Variants in NDC80 observed in about 807,000 individuals in gnomAD.
NDC80 encodes kinetochore protein NDC80 homolog.
Under a neutral mutation model 89.3 loss-of-function variants are expected in NDC80, and 69 were observed. The observed-to-expected ratio is 0.77, with a 90% confidence interval of 0.64 to 0.94. The LOEUF (loss-of-function observed/expected upper bound fraction) is 0.94. Among genes scored for constraint, NDC80 ranks in the 40% least tolerant of loss-of-function variants. The probability of loss-of-function intolerance (pLI) is 0.00; values close to 1 mark genes in which losing one functional copy is unlikely to be tolerated. For synonymous variants in NDC80, 243 were observed against 255.6 expected (o/e 0.95, Z 0.47); for missense variants, 593 against 739.6 (o/e 0.80, Z 2.30).
chr18:2,608,720 A>G lies in NDC80; in HGVS notation c.1578A>G (p.Glu526=). 6.2e-7 allele frequency: 1 copy of G among 1,612,658 alleles called. No homozygotes were observed. ...QKIKEAEEED[E]KCASELESLE... is the part of the protein sequence containing the mutation. The stretch of plus-strand genomic sequence containing the variant: ...GATAGGAAGCAGAGGAAGAGGATGA[A>G]AAATGTGCCAGTGAGCTTGAGTCCT... The change falls in exon 15 of 17, where the codon GAA becomes GAG. Residue 526 remains glutamate (E), a synonymous_variant. Transcript: ENST00000261597.
chr18:2,594,375 TTC>T (rs1354498048), intron 10 of NDC80: 1 of 155,096 alleles, frequency 6.4e-6, no homozygotes, highest in African/African-American at 2.4e-5. Context: ...TCACTTGTAC[TTC>T]TCTTAAAAGT....
chr18:2,614,569 G>GGAAGGA (rs1568016148), intron 16 of NDC80: 1 of 6,074 alleles, frequency 1.6e-4, no homozygotes, highest in Non-Finnish European at 2.8e-4. Flanking sequence ...GGAAGGGAAA[G>GGAAGGA]AAAGAAAGAA....
At chr18:2,614,567 A>AGGAAGGAAGGAAG (rs1450278706) in intron 16 of NDC80, 3 of 2,712 alleles carry the variant, frequency 1.1e-3, no homozygotes. Flanking sequence ...AAGGAAGGGA[A>AGGAAGGAAGGAAG]AGAAAGAAAG....
At chr18:2,611,495 A>G (rs2143671477) in intron 16 of NDC80, among the ~76,000 whole-genome samples, 1 of 152,338 alleles carries the variant, frequency 6.6e-6, no homozygotes, top group South Asian at 2.1e-4. Context: ...CTTATCGTAC[A>G]TTTAGGATTT....
intron 6 of NDC80, chr18:2,582,031 TG>T (rs549145811): frequency 7.5e-4 from 112 of 148,406 alleles, no homozygotes; most frequent in African/African-American, 2.6e-3. Flanking sequence ...ATTTTGTTTT[TG>T]TTTTTTCGTT....
At chr18:2,579,225 ATTAT>A in intron 6 of NDC80, 196 bp downstream of exon 6, 1 of 386,146 alleles carries the variant, frequency 2.6e-6, no homozygotes, top group Non-Finnish European at 4.6e-6. Context: ...TGATAAGGAG[ATTAT>A]TTATTATCAT....
At chr18:2,578,367 T>C (rs557185371) in intron 5 of NDC80, among the ~76,000 whole-genome samples, 18 of 152,180 alleles carry the variant, frequency 1.2e-4, no homozygotes, top group Non-Finnish European at 2.6e-4. Context: ...TGTTAGTAAC[T>C]GATCAAGTTT....
intron 16 of NDC80, 56 bp from the exon 17 acceptor site, chr18:2,616,381 C>T (rs1190848210): frequency 8.3e-7 from 1 of 1,211,348 alleles, no homozygotes; most frequent in Non-Finnish European, 1.1e-6. Flanking sequence ...TACAATTAAA[C>T]ATTTTAAAAG....
intron 11 of NDC80, 61 bp from the exon 12 acceptor site, chr18:2,598,958 A>C: frequency 7.0e-7 from 1 of 1,420,434 alleles, no homozygotes. Context: ...AGAAATGTCA[A>C]TTGAAAAAAA....
chr18:2,590,653 G>A (rs2072623138), intron 10 of NDC80, among the ~76,000 whole-genome samples: 1 of 152,172 alleles, frequency 6.6e-6, no homozygotes, highest in African/African-American at 2.4e-5. Context: ...TTCATCTCAA[G>A]ATACTTAATC....
intron 13 of NDC80, among the ~76,000 whole-genome samples, chr18:2,605,339 A>G (rs1203672648): frequency 2.8e-5 from 4 of 143,708 alleles, no homozygotes; most frequent in Non-Finnish European, 6.1e-5. Flanking sequence ...TATGTACACA[A>G]TGGAAATGTG....
intron 16 of NDC80, among the ~76,000 whole-genome samples, chr18:2,611,758 T>C (rs1347327556): frequency 6.6e-6 from 1 of 152,128 alleles, no homozygotes. Flanking sequence ...CAGTTGAGTA[T>C]GGTTTAAGAA....
Position 2,610,854 on chromosome 18 carries a change from C to A in NDC80, c.1784C>A (p.Ser595Tyr). 1.3e-6 allele frequency: 2 copies of A among 1,542,386 alleles called. No individual in the cohort carries two copies. The highest frequency in any genetic ancestry group is 2.5e-5 in the South Asian group (2 of 81,576). ...GAGATGGTTGCTACACATGTTGGGTCTGTAGAGGTAAGTATGTGATGGTCT... is the reference window on the plus strand; with the variant it reads ...GAGATGGTTGCTACACATGTTGGGTATGTAGAGGTAAGTATGTGATGGTCT... ...LLEMVATHVGSVEKHLEEQIA... is the reference protein window; with the variant it reads ...LLEMVATHVGYVEKHLEEQIA... Residue 595 changes from serine to tyrosine, a missense_variant, in exon 16 of 17, where the codon TCT (serine) becomes TAT (tyrosine). Transcript: ENST00000261597.
intron 13 of NDC80, among the ~76,000 whole-genome samples, chr18:2,606,135 CA>C (rs2072710283): frequency 6.6e-6 from 1 of 150,684 alleles, no homozygotes; most frequent in African/African-American, 2.4e-5. Flanking sequence ...ATTGATATAA[CA>C]ATATTAATAA....
intron 16 of NDC80, chr18:2,614,444 AAAGAAAGAAAG>A (rs2072761974): frequency 2.0e-4 from 1 of 4,960 alleles, no homozygotes; most frequent in African/African-American, 1.5e-3. Context: ...TCAAAAAAAG[AAAGAAAGAAAG>A]AAAGAAAGAA....
chr18:2,589,978 T>C, intron 9 of NDC80, 40 bp from the exon 10 acceptor site: 2 of 1,327,712 alleles, frequency 1.5e-6, no homozygotes, highest in Non-Finnish European at 2.0e-6. Flanking sequence ...TATGGAATGG[T>C]TATTAAGAAT....
intron 3 of NDC80, 64 bp from the exon 4 acceptor site, chr18:2,577,679 TGAA>T (rs2072554142): frequency 1.3e-6 from 2 of 1,568,674 alleles, no homozygotes; most frequent in Admixed American, 3.7e-5. Context: ...AAAACTGCCT[TGAA>T]ATAATTTAGA....
intron 16 of NDC80, chr18:2,614,553 A>G (rs2072766514): frequency 2.5e-4 from 1 of 4,070 alleles, no homozygotes; most frequent in Non-Finnish European, 4.2e-4. Context: ...GGAAGGAAGG[A>G]AGGAAGGAAG....
intron 6 of NDC80, chr18:2,582,969 G>A (rs1167773889): frequency 6.6e-6 from 1 of 152,192 alleles, no homozygotes; most frequent in East Asian, 1.9e-4. Context: ...TAGGAGGGTT[G>A]CATACACTTC....
Sources: allele counts gnomAD v4.1 joint callset (sites outside exome capture counted in the v4.1 genomes callset), GRCh38; gene constraint gnomAD v4.1.1; transcripts MANE v1.5; gene names NCBI Gene and HGNC (gene_info 2026-07-23, HGNC 2026-07-21).